The following STK32B variants were observed in gnomAD, a reference collection of about 807,000 sequenced individuals.
STK32B encodes the protein serine/threonine kinase 32B, also known as serine/threonine-protein kinase 32B.
Under a neutral mutation model 52.6 loss-of-function variants are expected in STK32B, and 43 were observed. That is an observed-to-expected ratio of 0.82 (90% confidence interval 0.64 to 1.05). The LOEUF (loss-of-function observed/expected upper bound fraction) is 1.05, where lower values mean the gene tolerates loss of function less well. Ranked by LOEUF, STK32B falls within the 50% of genes least tolerant of loss-of-function variation. STK32B has a pLI of 0.00. For synonymous variants in STK32B, 238 were observed against 204.3 expected, an observed-to-expected ratio of 1.17 and a Z score of -1.41; for missense variants, 621 against 534.6, an observed-to-expected ratio of 1.16 and a Z score of -1.59.
At chr4:5,392,467 T>C (rs558309968) in intron 4 of STK32B, among the ~76,000 whole-genome samples, 1 of 152,232 alleles carries the variant, frequency 6.6e-6, no homozygotes, top group East Asian at 1.9e-4. Flanking sequence ...AATCAGATCT[T>C]TATTATAAGC....
Position 5,398,084 on chromosome 4 carries a change from C to A in STK32B, c.435-123C>A. 1.1e-6 allele frequency: 1 copy of A among 947,080 alleles called. No individual in the cohort carries two copies. Among genetic ancestry groups the A allele is most frequent in the Non-Finnish European group, 1.6e-6 (1 of 621,754 alleles). The allele number at this position is 947,080 out of a possible 1,614,324, so 58.7% of individuals were successfully genotyped here. A position where few individuals can be genotyped will look rare whatever the true frequency, so the allele number is the denominator to read the frequency against. ...TTATTCTCCCACTCCATGTCTGAGG[C>A]TTCAGGTCAGGGAGAGGTGAGCAGC... is the stretch of plus-strand genomic sequence containing the variant. On this transcript the variant is annotated intron_variant, in intron 4 of 11. Transcript: ENST00000282908. The surrounding 1 kb of genome is among the most constrained non-coding windows in gnomAD (Gnocchi z 4.9).
At chr4:5,243,185 C>T (rs555601821) in intron 3 of STK32B, among the ~76,000 whole-genome samples, 38 of 152,202 alleles carry the variant, frequency 2.5e-4, no homozygotes, top group African/African-American at 8.4e-4. Context: ...GCCATTTTCA[C>T]GATATTGATT....
rs180923400 is a variant in STK32B at position 5,234,228 on chromosome 4, T to C, written c.260+65778T>C. On this transcript the variant is annotated intron_variant, in intron 3 of 11. Coordinates refer to ENST00000282908, the MANE Select transcript of STK32B (RefSeq NM_018401.3). ...GAATCAACTCTGCTACTAACTAGCT[T>C]ATGTACAAGTTAGATACTCTTACTG... Among the ~76,000 whole-genome samples the C allele has an allele frequency of 4.1e-3, 624 of 152,346 alleles. 4 individuals carry two copies. Among genetic ancestry groups the C allele is most frequent in the African/African-American group, 0.014 (593 of 41,578 alleles).
intron 11 of STK32B, among the ~76,000 whole-genome samples, chr4:5,497,642 TTCAGTGTTA>T (rs1451027277): frequency 1.3e-5 from 2 of 152,202 alleles, no homozygotes; most frequent in Non-Finnish European, 2.9e-5. Context: ...CTGCTGGTAT[TTCAGTGTTA>T]TCTGAAGGAC....
intron 6 of STK32B, among the ~76,000 whole-genome samples, chr4:5,445,430 T>C (rs9291092): frequency 0.15 from 23,189 of 152,016 alleles, 2,312 homozygotes; most frequent in East Asian, 0.53. Flanking sequence ...ATTAATTTAC[T>C]AGAAATAATG....
chr4:5,242,296 G>T (rs1437650590), intron 3 of STK32B, among the ~76,000 whole-genome samples: 2 of 152,190 alleles, frequency 1.3e-5, no homozygotes, highest in African/African-American at 4.8e-5. Context: ...GTATCTCATT[G>T]TGGTTTTGAT....
intron 3 of STK32B, among the ~76,000 whole-genome samples, chr4:5,310,663 A>T (rs573470918): frequency 6.6e-6 from 1 of 152,346 alleles, no homozygotes; most frequent in East Asian, 1.9e-4. Context: ...ATGAACTATC[A>T]TACTACCCAA....
chr4:5,240,654 T>A (rs1022665880), intron 3 of STK32B, among the ~76,000 whole-genome samples: 1 of 152,130 alleles, frequency 6.6e-6, no homozygotes, highest in Non-Finnish European at 1.5e-5. Flanking sequence ...GAGATGTGGT[T>A]TCACCATGTT....
intron 3 of STK32B, among the ~76,000 whole-genome samples, chr4:5,295,515 T>G (rs1311053873): frequency 6.6e-6 from 1 of 152,186 alleles, no homozygotes; most frequent in Non-Finnish European, 1.5e-5. Context: ...GGTGTGTGTG[T>G]CCTGGAATTT....
At chr4:5,180,628 A>G (rs773038638) in intron 3 of STK32B, among the ~76,000 whole-genome samples, 2 of 152,170 alleles carry the variant, frequency 1.3e-5, no homozygotes, top group Non-Finnish European at 2.9e-5. Context: ...AAGAGGACAC[A>G]GTGTGGAATT....
At chr4:5,402,488 G>A (rs184939498) in intron 5 of STK32B, among the ~76,000 whole-genome samples, 6 of 152,354 alleles carry the variant, frequency 3.9e-5, no homozygotes, top group Admixed American at 1.3e-4. Context: ...TGTAGTCTTC[G>A]TCCTCTTTGG....
intron 4 of STK32B, among the ~76,000 whole-genome samples, chr4:5,389,835 AAG>A (rs1164450598): frequency 6.6e-6 from 1 of 152,214 alleles, no homozygotes; most frequent in Non-Finnish European, 1.5e-5. Flanking sequence ...AAGATGTGGG[AAG>A]AGTCTCCTGG....
chr4:5,124,828 T>A (rs1344725071), intron 1 of STK32B, among the ~76,000 whole-genome samples: 1 of 152,158 alleles, frequency 6.6e-6, no homozygotes, highest in Non-Finnish European at 1.5e-5. Context: ...ACCTACTGGG[T>A]CCTGTAGGAG....
At chr4:5,130,360 C>T (rs552985030) in intron 1 of STK32B, among the ~76,000 whole-genome samples, 5 of 151,576 alleles carry the variant, frequency 3.3e-5, no homozygotes, top group African/African-American at 9.7e-5. Context: ...GGAGGTTTGG[C>T]GGGAGGGGTG....
chr4:5,485,057 GT>G (rs1427732562), intron 11 of STK32B, among the ~76,000 whole-genome samples: 1 of 151,418 alleles, frequency 6.6e-6, no homozygotes, highest in Non-Finnish European at 1.5e-5. Flanking sequence ...GAATCTGACA[GT>G]TATGTGTCTT....
chr4:5,316,179 C>G (rs867119013), intron 3 of STK32B, among the ~76,000 whole-genome samples: 1 of 68,726 alleles, frequency 1.5e-5, no homozygotes, highest in Non-Finnish European at 2.2e-5. Context: ...ATATATATAA[C>G]TAAATATATA....
At chr4:5,097,521 C>T (rs1195713133) in intron 1 of STK32B, among the ~76,000 whole-genome samples, 1 of 152,196 alleles carries the variant, frequency 6.6e-6, no homozygotes, top group Admixed American at 6.5e-5. Flanking sequence ...TCTTACCAAA[C>T]ATCTCTCTCT....
At chr4:5,260,558 A>G (rs1726645156) in intron 3 of STK32B, among the ~76,000 whole-genome samples, 2 of 152,164 alleles carry the variant, frequency 1.3e-5, no homozygotes, top group African/African-American at 4.8e-5. Flanking sequence ...TGCTGGGGGA[A>G]TAGGAGTACA....
At chr4:5,461,549 C>T (rs58702037) in intron 9 of STK32B, among the ~76,000 whole-genome samples, 1,672 of 152,270 alleles carry the variant, frequency 0.011, 40 homozygotes, top group African/African-American at 0.038. Context: ...GCCCAGTGTT[C>T]ACCACTGAAT....
Sources: allele counts gnomAD v4.1 joint callset (sites outside exome capture counted in the v4.1 genomes callset), GRCh38; gene constraint gnomAD v4.1.1; non-coding constraint Gnocchi (gnomAD v3.1); transcripts MANE v1.5; gene names NCBI Gene and HGNC (gene_info 2026-07-23, HGNC 2026-07-21).